RPS6KL1: variants seen among roughly 807,000 people sequenced by gnomAD.
The protein encoded by RPS6KL1 is ribosomal protein S6 kinase like 1, also known as ribosomal protein S6 kinase-like 1.
In RPS6KL1, 41 loss-of-function variants were observed where a neutral mutation model predicts 57.0. The observed-to-expected ratio is 0.72, with a 90% CI of 0.56 to 0.93. RPS6KL1 has a LOEUF of 0.93. Ranked by LOEUF, RPS6KL1 falls within the 40% of genes least tolerant of loss-of-function variation. RPS6KL1 has a pLI of 0.00. For missense variants in RPS6KL1, 697 were observed against 727.7 expected (o/e 0.96, Z 0.49); for synonymous variants, 287 against 309.7 (o/e 0.93, Z 0.77).
rs78810423 is a variant in RPS6KL1 at position 74,906,923 on chromosome 14, C to CTGAT, written c.*87_*90dup. The CTGAT allele has an allele frequency of 0.34, 341,255 of 1,008,384 alleles. 60,240 individuals carry two copies. Among genetic ancestry groups the CTGAT allele is most frequent in the Non-Finnish European group, 0.34 (218,688 of 634,812 alleles). The allele number at this position is 1,008,384 out of a possible 1,614,324, so 62.5% of individuals were successfully genotyped here. On this transcript the variant is annotated 3_prime_UTR_variant, in exon 12 of 12. Coordinates refer to ENST00000557413, the MANE Select transcript of RPS6KL1 (RefSeq NM_031464.5). ...CCCTCCATTCCTCGCCCAAAGCCCGCTGATAGAGGGCCAGCCCTGGGTTGG... is the reference window on the plus strand; with the variant it reads ...CCCTCCATTCCTCGCCCAAAGCCCGCTGATTGATAGAGGGCCAGCCCTGGGTTGG...
At chr14:74,914,326 T>G (rs550524959) in intron 5 of RPS6KL1, among the ~76,000 whole-genome samples, 1 of 152,140 alleles carries the variant, frequency 6.6e-6, no homozygotes, top group South Asian at 2.1e-4. Context: ...CCCAGATAAT[T>G]CCCCACTGTC....
rs1185353324 is a variant in RPS6KL1 at position 74,906,981 on chromosome 14, A to G, written c.*33T>C. 2 of 1,516,422 alleles carry G rather than the reference A, an allele frequency of 1.3e-6. No homozygotes were observed. The highest frequency in any genetic ancestry group is 2.3e-5 in the South Asian group (2 of 86,466). 93.9% of individuals were successfully genotyped at this position (1,516,422 alleles called of 1,614,324 possible). ...GCAAGGAGGAGAGGCGATCCAGACC[A>G]GGCCAGCTGCTTCCGTCACCCGCTC... On this transcript the variant is annotated 3_prime_UTR_variant, in exon 12 of 12. Coordinates refer to ENST00000557413, the MANE Select transcript of RPS6KL1 (RefSeq NM_031464.5).
At chr14:74,918,444 C>G in intron 5 of RPS6KL1, 69 bp downstream of exon 5, 2 of 1,153,376 alleles carry the variant, frequency 1.7e-6, no homozygotes, top group Non-Finnish European at 2.4e-6. Context: ...TATCATGTCT[C>G]TCTCCCCACC....
chr14:74,917,280 C>T (rs1227969773), intron 5 of RPS6KL1, among the ~76,000 whole-genome samples: 1 of 152,240 alleles, frequency 6.6e-6, no homozygotes, highest in East Asian at 1.9e-4. Flanking sequence ...GGAGAATTCT[C>T]ATCTCACTTT....
intron 1 of RPS6KL1, among the ~76,000 whole-genome samples, chr14:74,922,805 G>A (rs1365355143): frequency 1.3e-5 from 2 of 152,248 alleles, no homozygotes; most frequent in African/African-American, 2.4e-5. Flanking sequence ...GTCATTTGGA[G>A]AGAAAGAGGA....
chr14:74,918,041 T>G (rs1887142843), intron 5 of RPS6KL1, among the ~76,000 whole-genome samples: 1 of 152,248 alleles, frequency 6.6e-6, no homozygotes, highest in African/African-American at 2.4e-5. Context: ...GAGCAGGTTT[T>G]CTGGATCTGA....
chr14:74,906,900 C>T lies in RPS6KL1; in HGVS notation c.*114G>A. 5.8e-6 allele frequency: 5 copies of T among 857,930 alleles called. No individual in the cohort carries two copies. Among genetic ancestry groups the T allele is most frequent in the Non-Finnish European group, 1.0e-5 (5 of 495,776 alleles). The allele number at this position is 857,930 out of a possible 1,614,324, so 53.1% of individuals were successfully genotyped here. A position where few individuals can be genotyped will look rare whatever the true frequency, so the allele number is the denominator to read the frequency against. Reference sequence around the variant, plus strand: ...GGAGCCCAGCAGGACAGACAGTGCCCTCCATTCCTCGCCCAAAGCCCGCTG... The same window carrying T: ...GGAGCCCAGCAGGACAGACAGTGCCTTCCATTCCTCGCCCAAAGCCCGCTG... On this transcript the variant is annotated 3_prime_UTR_variant, in exon 12 of 12. Transcript: ENST00000557413.
At position 74,922,009 on chromosome 14, in the gene RPS6KL1, C is replaced by G; in HGVS notation, c.-52G>C. On this transcript the variant is annotated 5_prime_UTR_variant, in exon 2 of 12. Transcript: ENST00000557413. ...GGCCAGGCTGGTCTTGAACTCCTGA[C>G]CTCAAGTGATCCGTCTGCCTCGGCC... 4.0e-6 allele frequency: 1 copy of G among 249,248 alleles called. No individual in the cohort carries two copies. The highest frequency in any genetic ancestry group is 6.9e-6 in the Non-Finnish European group (1 of 144,258). 15.4% of individuals were successfully genotyped at this position (249,248 alleles called of 1,614,324 possible).
intron 5 of RPS6KL1, among the ~76,000 whole-genome samples, chr14:74,914,558 CA>C (rs764237212): frequency 1.3e-5 from 2 of 152,194 alleles, no homozygotes; most frequent in South Asian, 4.1e-4. Context: ...CGGCAGGATT[CA>C]GGGGATTTTC....
rs147669726 is a variant in RPS6KL1, at chr14:74,915,622, G to A, written c.483+2891C>T. On this transcript the variant is annotated intron_variant, in intron 5 of 11. Coordinates refer to ENST00000557413, the MANE Select transcript of RPS6KL1 (RefSeq NM_031464.5). ...GCCAGGCATGTGAGCAAATAGGCAG[G>A]GTGGAGGCGCAGAAAGGAGGGCTGG... Among the ~76,000 whole-genome samples the A allele has an allele frequency of 2.7e-4, 41 of 152,322 alleles. 1 individual carries two copies. In the East Asian group the frequency reaches 7.3e-3, roughly 27 times the overall value.
intron 10 of RPS6KL1, 66 bp from the exon 11 acceptor site, chr14:74,907,596 C>G: frequency 1.4e-6 from 2 of 1,459,972 alleles, no homozygotes; most frequent in South Asian, 1.3e-5. Context: ...CCAGTGGCAG[C>G]CAGGATTTTT....
At position 74,906,206 on chromosome 14, in the gene RPS6KL1, C is replaced by T; in HGVS notation, c.*808G>A. On this transcript the variant is annotated 3_prime_UTR_variant, in exon 12 of 12. Transcript: ENST00000557413. ...TTGGCCTGGAAGCTGAATTGCTGTC[C>T]TCTTGCACCCCTGGGGCAGGCTGCC... 1 of 277,726 alleles carries T rather than the reference C, an allele frequency of 3.6e-6. No homozygotes were observed. Among genetic ancestry groups the T allele is most frequent in the East Asian group, 8.6e-5 (1 of 11,564 alleles). 17.2% of individuals were successfully genotyped at this position (277,726 alleles called of 1,614,324 possible).
rs1183100584 is a variant in RPS6KL1 at position 74,907,116 on chromosome 14, C to T, written c.1548G>A (p.Gln516=). The T allele has an allele frequency of 1.2e-6, 2 of 1,609,086 alleles. No individual in the cohort carries two copies. The highest frequency in any genetic ancestry group is 1.7e-5 in the Admixed American group (1 of 59,290). The change falls in exon 12 of 12, where the codon CAG becomes CAA. Residue 516 remains glutamine (Q), a synonymous_variant. Coordinates refer to ENST00000557413, the MANE Select transcript of RPS6KL1 (RefSeq NM_031464.5). ...PAASLLTELL[Q]FEPTRRLGMG... ...TGCCCAGGCGCCGGGTAGGCTCGAA[C>T]TGCAGCAGCTGCAGAGAGAGGCCCA... is the stretch of plus-strand genomic sequence containing the variant.
chr14:74,918,289 C>T (rs1404213171), intron 5 of RPS6KL1, among the ~76,000 whole-genome samples: 1 of 151,980 alleles, frequency 6.6e-6, no homozygotes, highest in Non-Finnish European at 1.5e-5. Context: ...CATTTTCCTC[C>T]CCAGGACCCA....
In RPS6KL1 at chr14:74,911,105, C is replaced by G. The variant is rs556470125; in HGVS notation, c.664+143G>C. The G allele has an allele frequency of 2.4e-4, 176 of 746,198 alleles. 3 individuals carry two copies. In the South Asian group the frequency reaches 2.4e-3, roughly 10 times the overall value. The allele number at this position is 746,198 out of a possible 1,614,324, so 46.2% of individuals were successfully genotyped here. A position where few individuals can be genotyped will look rare whatever the true frequency, so the allele number is the denominator to read the frequency against. ...CAGGCTGGTCTTGAACTCCTGACCT[C>G]AGTTGATCCGCCTGCCTCGGCCTCC... On this transcript the variant is annotated intron_variant, in intron 7 of 11. Transcript: ENST00000557413.
rs1412276500 is a variant in RPS6KL1 at position 74,905,884 on chromosome 14, G to A, written c.*1130C>T. 1 of 153,232 alleles carries A rather than the reference G, an allele frequency of 6.5e-6. No homozygotes were observed. Among genetic ancestry groups the A allele is most frequent in the Non-Finnish European group, 1.5e-5 (1 of 68,814 alleles). 9.5% of individuals were successfully genotyped at this position (153,232 alleles called of 1,614,324 possible). On this transcript the variant is annotated 3_prime_UTR_variant, in exon 12 of 12. Coordinates refer to ENST00000557413, the MANE Select transcript of RPS6KL1 (RefSeq NM_031464.5). ...CTGGTGGTGACTGGGATGCTGGCAG[G>A]GAGGAGCTGAGGGCAAAACTCTAGT...
rs772359452 is a variant in RPS6KL1, at chr14:74,907,082, C to T, written c.1582G>A (p.Gly528Ser). The change falls in exon 12 of 12, where the codon GGT becomes AGT. Residue 528 changes from glycine to serine, a missense_variant. Gly to Ser is a moderately conservative substitution (Grantham distance 56). Coordinates refer to ENST00000557413, the MANE Select transcript of RPS6KL1 (RefSeq NM_031464.5). ...TGGGACTTGAGTTTGCTGACACCACCTTCTCCCATGCCCAGGCGCCGGGTA... is the reference window on the plus strand; with the variant it reads ...TGGGACTTGAGTTTGCTGACACCACTTTCTCCCATGCCCAGGCGCCGGGTA... Reference protein sequence around the residue: ...EPTRRLGMGEGGVSKLKSHPF... With the variant: ...EPTRRLGMGESGVSKLKSHPF... 2 of 1,613,836 alleles carry T rather than the reference C, an allele frequency of 1.2e-6. No homozygotes were observed. Among genetic ancestry groups the T allele is most frequent in the South Asian group, 1.1e-5 (1 of 90,972 alleles).
Position 74,909,785 on chromosome 14 carries a change from C to T in RPS6KL1, c.1028G>A (p.Arg343Gln), listed in dbSNP as rs375023229. The T allele has an allele frequency of 4.2e-5, 68 of 1,605,674 alleles. No homozygotes were observed. The African/African-American group carries it at 5.3e-4, about 13-fold the overall frequency. Reference sequence around the variant, plus strand: ...CCCCTCAGGAACCCAAGTGAGCCCCCGAGGGGGCCCAGCGTCTGAGTTCTG... The same window carrying T: ...CCCCTCAGGAACCCAAGTGAGCCCCTGAGGGGGCCCAGCGTCTGAGTTCTG... ...AGQNSDAGPP[R>Q]GLTWVPEGAG... The change falls in exon 8 of 12, where the codon CGG becomes CAG. Residue 343 changes from arginine (R) to glutamine (Q), a missense_variant. Physicochemically the swap from Arg to Gln is conservative, Grantham distance 43. Transcript: ENST00000557413.
At chr14:74,914,754 C>T (rs965343106) in intron 5 of RPS6KL1, among the ~76,000 whole-genome samples, 4 of 152,118 alleles carry the variant, frequency 2.6e-5, no homozygotes, top group African/African-American at 9.7e-5. Context: ...CTGTTGTTGC[C>T]CAGGCTGGAG....
Sources: gnomAD v4.1 joint callset for allele counts (sites outside exome capture counted in the v4.1 genomes callset) on GRCh38, gnomAD v4.1.1 for gene constraint, MANE v1.5 for transcripts, NCBI Gene and HGNC (gene_info 2026-07-23, HGNC 2026-07-21) for gene names.